Variants in XKR4 observed in about 807,000 individuals in gnomAD.
The protein encoded by XKR4 is XK related 4.
XKR4 carries 12 observed loss-of-function variants against 53.9 expected under a neutral mutation model. That is an observed-to-expected ratio of 0.22 (90% CI 0.14 to 0.36). The LOEUF (loss-of-function observed/expected upper bound fraction) is 0.36. Among genes scored for constraint, XKR4 ranks in the 10% least tolerant of loss-of-function variants. XKR4 has a pLI of 1.00. For synonymous variants in XKR4, 354 were observed against 362.4 expected, an observed-to-expected ratio of 0.98 and a Z score of 0.26; for missense variants, 799 against 859.5, an observed-to-expected ratio of 0.93 and a Z score of 0.88.
intron 2 of XKR4, among the ~76,000 whole-genome samples, chr8:55,370,444 T>C (rs1804055682): frequency 6.6e-6 from 1 of 152,226 alleles, no homozygotes; most frequent in Non-Finnish European, 1.5e-5. Context: ...TTATTAAATC[T>C]ATTAAGTAGC....
chr8:55,421,909 C>A (rs575944587), intron 2 of XKR4, among the ~76,000 whole-genome samples: 6 of 152,306 alleles, frequency 3.9e-5, no homozygotes, highest in African/African-American at 1.4e-4. Flanking sequence ...TCCAGCCCCA[C>A]CTTTGTCTTC....
intron 1 of XKR4, chr8:55,273,008 C>A (rs1416135081): frequency 7.4e-6 from 3 of 407,106 alleles, no homozygotes; most frequent in African/African-American, 4.2e-5. Flanking sequence ...CTCAGCCTGT[C>A]TCTAAGGGTG....
At chr8:55,307,908 T>A (rs1819327794) in intron 1 of XKR4, among the ~76,000 whole-genome samples, 1 of 152,176 alleles carries the variant, frequency 6.6e-6, no homozygotes, top group South Asian at 2.1e-4. Flanking sequence ...GTTATAAAAC[T>A]AAACTAAATA....
intron 1 of XKR4, among the ~76,000 whole-genome samples, chr8:55,158,060 A>C (rs1816933431): frequency 6.6e-6 from 1 of 152,140 alleles, no homozygotes; most frequent in Non-Finnish European, 1.5e-5. Context: ...GTTGAATGGT[A>C]ATTCTGTTTT....
intron 2 of XKR4, chr8:55,454,260 T>C (rs1805516106): frequency 1.6e-6 from 2 of 1,288,628 alleles, no homozygotes; most frequent in Admixed American, 1.7e-5. Flanking sequence ...TCAGCTACAA[T>C]CACGTCTAGC....
intron 2 of XKR4, among the ~76,000 whole-genome samples, chr8:55,472,267 T>A (rs1366464647): frequency 1.3e-5 from 2 of 152,096 alleles, no homozygotes; most frequent in African/African-American, 4.8e-5. Flanking sequence ...TAAATGATAA[T>A]CATCTGTGTG....
intron 2 of XKR4, among the ~76,000 whole-genome samples, chr8:55,507,743 T>G (rs1806564338): frequency 6.6e-6 from 1 of 152,236 alleles, no homozygotes; most frequent in Non-Finnish European, 1.5e-5. Context: ...TAATCCAGTC[T>G]ATCCTTGTTG....
At chr8:55,196,212 G>A (rs367956693) in intron 1 of XKR4, among the ~76,000 whole-genome samples, 54 of 133,416 alleles carry the variant, frequency 4.0e-4, no homozygotes, top group African/African-American at 1.3e-3. Context: ...ATGGAGTTTC[G>A]CTCTTGTTGC....
chr8:55,268,473 G>A (rs991131493), intron 1 of XKR4, among the ~76,000 whole-genome samples: 16 of 152,096 alleles, frequency 1.1e-4, no homozygotes, highest in African/African-American at 2.9e-4. Context: ...AGCCAGTCTC[G>A]TGTATTTTAA....
chr8:55,303,314 T>G (rs1819233918), intron 1 of XKR4, among the ~76,000 whole-genome samples: 1 of 152,242 alleles, frequency 6.6e-6, no homozygotes, highest in South Asian at 2.1e-4. Flanking sequence ...GATTTGTGTA[T>G]GTTGAAACAG....
At chr8:55,348,128 T>G (rs1242091950) in intron 1 of XKR4, among the ~76,000 whole-genome samples, 1 of 152,172 alleles carries the variant, frequency 6.6e-6, no homozygotes, top group Non-Finnish European at 1.5e-5. Context: ...GCCCAGATAC[T>G]GATTAACAGA....
intron 2 of XKR4, among the ~76,000 whole-genome samples, chr8:55,413,522 G>A (rs944834026): frequency 2.6e-5 from 4 of 152,180 alleles, no homozygotes; most frequent in East Asian, 1.9e-4. Flanking sequence ...CACTGCTCCC[G>A]GCAGTATCTC....
At position 55,529,592 on chromosome 8, in the gene XKR4, G is replaced by C. The variant is rs1367086604; in HGVS notation, c.*5365G>C. The stretch of plus-strand genomic sequence containing the variant: ...TTTACAGATGACAAAATCTGTAAAT[G>C]GCTTAGAGATGTCAAGCAATTTGCC... On this transcript the variant is annotated 3_prime_UTR_variant, in exon 3 of 3. Coordinates refer to ENST00000327381, the MANE Select transcript of XKR4 (RefSeq NM_052898.2). 6.6e-6 allele frequency: 1 copy of C among 152,114 alleles called. No individual in the cohort carries two copies. Among genetic ancestry groups the C allele is most frequent in the Non-Finnish European group, 1.5e-5 (1 of 68,026 alleles). The allele number at this position is 152,114 out of a possible 1,614,324, so 9.4% of individuals were successfully genotyped here. A position where few individuals can be genotyped will look rare whatever the true frequency, so the allele number is the denominator to read the frequency against.
At chr8:55,426,397 A>G (rs781165053) in intron 2 of XKR4, among the ~76,000 whole-genome samples, 5 of 152,102 alleles carry the variant, frequency 3.3e-5, no homozygotes, top group Admixed American at 6.5e-5. Flanking sequence ...TCTGTCACAC[A>G]TACACACACA....
chr8:55,453,607 T>C, intron 2 of XKR4: 1 of 411,778 alleles, frequency 2.4e-6, no homozygotes, highest in Non-Finnish European at 4.7e-6. Flanking sequence ...GGGGTGCACC[T>C]TGCATCTTGG....
intron 1 of XKR4, among the ~76,000 whole-genome samples, chr8:55,122,944 T>A (rs7004356): frequency 6.6e-6 from 1 of 151,710 alleles, no homozygotes; most frequent in East Asian, 1.9e-4. Flanking sequence ...GGGTGTGGAT[T>A]GAGCTTCATG....
At chr8:55,200,032 T>C (rs1252251864) in intron 1 of XKR4, among the ~76,000 whole-genome samples, 6 of 152,160 alleles carry the variant, frequency 3.9e-5, no homozygotes, top group African/African-American at 1.4e-4. Context: ...CACTATGTCA[T>C]CCACATCAGA....
At chr8:55,403,647 T>G (rs1432784946) in intron 2 of XKR4, among the ~76,000 whole-genome samples, 1 of 152,230 alleles carries the variant, frequency 6.6e-6, no homozygotes, top group Non-Finnish European at 1.5e-5. Context: ...TAAGCAAGGC[T>G]GGGGAAAGCA....
chr8:55,200,985 A>G (rs1817571373), intron 1 of XKR4, among the ~76,000 whole-genome samples: 1 of 152,212 alleles, frequency 6.6e-6, no homozygotes, highest in South Asian at 2.1e-4. Context: ...TAATGTAGGT[A>G]CTACTTATTT....
Sources: gnomAD v4.1 joint callset for allele counts (sites outside exome capture counted in the v4.1 genomes callset) on GRCh38, gnomAD v4.1.1 for gene constraint, MANE v1.5 for transcripts, NCBI Gene and HGNC (gene_info 2026-07-23, HGNC 2026-07-21) for gene names.